Variants in CKAP2 observed in about 807,000 individuals in gnomAD.
CKAP2 encodes the protein cytoskeleton associated protein 2.
In CKAP2, 46 loss-of-function variants were observed where a neutral mutation model predicts 58.4. The observed-to-expected ratio is 0.79, with a 90% CI of 0.62 to 1.01. The LOEUF is 1.01. Among genes scored for constraint, CKAP2 ranks in the 50% least tolerant of loss-of-function variants. CKAP2 has a pLI of 0.00. For synonymous variants in CKAP2, 293 were observed against 280.9 expected (o/e 1.04, Z -0.43); for missense variants, 809 against 796.4 (o/e 1.02, Z -0.19).
intron 2 of CKAP2, among the ~76,000 whole-genome samples, chr13:52,458,582 G>C (rs1457573195): frequency 1.3e-5 from 2 of 152,218 alleles, no homozygotes; most frequent in Non-Finnish European, 2.9e-5. Flanking sequence ...ACAGATGTTG[G>C]CTGGGTGCAG....
intron 5 of CKAP2, among the ~76,000 whole-genome samples, chr13:52,464,909 CAGTTTAAG>C (rs1423817198): frequency 1.3e-5 from 2 of 152,148 alleles, no homozygotes; most frequent in Non-Finnish European, 1.5e-5. Context: ...TATTTCTGCT[CAGTTTAAG>C]TTTTTCCTTT....
chr13:52,459,181 T>C (rs1958532316), intron 2 of CKAP2, among the ~76,000 whole-genome samples: 1 of 152,144 alleles, frequency 6.6e-6, no homozygotes, highest in African/African-American at 2.4e-5. Flanking sequence ...TCCTTCACCA[T>C]TGTTCAAAAT....
intron 7 of CKAP2, among the ~76,000 whole-genome samples, chr13:52,469,642 TGC>T (rs1427661948): frequency 6.7e-6 from 1 of 149,950 alleles, no homozygotes; most frequent in Non-Finnish European, 1.5e-5. Flanking sequence ...CAGGCCAGAC[TGC>T]GGACTGCAGT....
At position 52,468,894 on chromosome 13, in the gene CKAP2, G is replaced by A. The variant is rs149769476; in HGVS notation, c.1546+547G>A. ...TTATATTCCTTTGGGTATATACCCA[G>A]TAATGGGATTACTGGATTGAAAGTA... On this transcript the variant is annotated intron_variant, in intron 7 of 8. Transcript: ENST00000258607. Among the ~76,000 whole-genome samples the A allele has an allele frequency of 3.5e-3, 539 of 152,328 alleles. 2 individuals are homozygous for A. The highest frequency in any genetic ancestry group is 0.012 in the African/African-American group (485 of 41,568).
At chr13:52,472,439 A>T (rs1282776932) in intron 7 of CKAP2, among the ~76,000 whole-genome samples, 1 of 152,214 alleles carries the variant, frequency 6.6e-6, no homozygotes, top group Non-Finnish European at 1.5e-5. Flanking sequence ...TCATGCAACT[A>T]AAACTTCTCT....
At position 52,465,950 on chromosome 13, in the gene CKAP2, TATATGC is replaced by T. The variant is rs1433485560; in HGVS notation, c.1476+487_1476+492del. ...ATATACACACATATATATACACATA[TATATGC>T]ACACATATATACACACATATATGCA... On this transcript the variant is annotated intron_variant, in intron 6 of 8. Coordinates refer to ENST00000258607, the MANE Select transcript of CKAP2 (RefSeq NM_018204.5). 1,346 of 294,322 alleles carry T rather than the reference TATATGC, an allele frequency of 4.6e-3. 8 individuals are homozygous for T. The highest frequency in any genetic ancestry group is 0.014 in the African/African-American group (627 of 45,228). The allele number at this position is 294,322 out of a possible 1,614,324, so 18.2% of individuals were successfully genotyped here.
chr13:52,456,510 C>A lies in CKAP2; in HGVS notation c.71-13C>A. 6.3e-7 allele frequency: 1 copy of A among 1,592,146 alleles called. No homozygotes were observed. The highest frequency in any genetic ancestry group is 8.6e-7 in the Non-Finnish European group (1 of 1,164,800). ...ACTAATATTGACTTGTAGCTCTTAC[C>A]TTTGTTATCTAGAGCAAAGAAGACA... On this transcript the variant is annotated splice_polypyrimidine_tract_variant and intron_variant, in intron 1 of 8. Transcript: ENST00000258607.
At chr13:52,470,956 G>A (rs1958753642) in intron 7 of CKAP2, among the ~76,000 whole-genome samples, 2 of 152,014 alleles carry the variant, frequency 1.3e-5, no homozygotes, top group Admixed American at 6.5e-5. Context: ...TCAAGAGATC[G>A]AGACCATCCT....
chr13:52,459,403 A>G (rs924364922), intron 2 of CKAP2, among the ~76,000 whole-genome samples: 4 of 151,988 alleles, frequency 2.6e-5, no homozygotes, highest in Non-Finnish European at 5.9e-5. Context: ...GCTCACTGCA[A>G]CCTCTGCCTC....
At position 52,474,104 on chromosome 13, in the gene CKAP2, C is replaced by T. The variant is rs1327666184; in HGVS notation, c.1802+20C>T. The T allele has an allele frequency of 2.9e-5, 46 of 1,593,494 alleles. No individual in the cohort carries two copies. Among genetic ancestry groups the T allele is most frequent in the Non-Finnish European group, 3.8e-5 (45 of 1,169,160 alleles). ...GCAAAGGTAAACTTTTAAAATGTAC[C>T]ATGATTTGTTTTCATGCTTGGAGAT... On this transcript the variant is annotated intron_variant, in intron 8 of 8. Transcript: ENST00000258607.
chr13:52,458,034 A>T (rs1958515882), intron 2 of CKAP2, among the ~76,000 whole-genome samples: 1 of 152,238 alleles, frequency 6.6e-6, no homozygotes, highest in Non-Finnish European at 1.5e-5. Flanking sequence ...TAAGTTTGGC[A>T]TTCTAAAATT....
chr13:52,458,823 C>T (rs1958527244), intron 2 of CKAP2, among the ~76,000 whole-genome samples: 1 of 151,216 alleles, frequency 6.6e-6, no homozygotes, highest in African/African-American at 2.4e-5. Flanking sequence ...GGCCATCGCA[C>T]TCCAGCCTGG....
chr13:52,468,265 T>A lies in CKAP2; in HGVS notation c.1477-13T>A, dbSNP rs545173318. The A allele has an allele frequency of 1.3e-6, 2 of 1,537,714 alleles. No homozygotes were observed. The highest frequency in any genetic ancestry group is 2.8e-5 in the African/African-American group (2 of 71,930). ...ACTTACATGGATCTGCTTTCTTCAT[T>A]AAAAAAATTAAGCCTATTGAAGAGA... On this transcript the variant is annotated splice_polypyrimidine_tract_variant and intron_variant, in intron 6 of 8. Transcript: ENST00000258607.
chr13:52,473,396 G>A (rs1336232336), intron 7 of CKAP2: 2 of 156,440 alleles, frequency 1.3e-5, no homozygotes, highest in Non-Finnish European at 2.8e-5. Context: ...TCCTAACCTT[G>A]TTCCTTACCC....
chr13:52,465,739 T>A, intron 6 of CKAP2: 1 of 525,238 alleles, frequency 1.9e-6, no homozygotes, highest in Non-Finnish European at 3.6e-6. Context: ...AGCATATTAT[T>A]GTATGCATTT....
intron 2 of CKAP2, among the ~76,000 whole-genome samples, chr13:52,460,564 C>T (rs71437863): frequency 0.013 from 2,016 of 150,054 alleles, 23 homozygotes; most frequent in Admixed American, 0.02. Flanking sequence ...CCTTCCTCAG[C>T]CTCCCTAGTA....
At chr13:52,455,987 T>G (rs1347979152) in intron 1 of CKAP2, 1 of 1,084,026 alleles carries the variant, frequency 9.2e-7, no homozygotes, top group Non-Finnish European at 1.1e-6. Context: ...CTGCGCTGGG[T>G]CCTCCGCCTC....
intron 5 of CKAP2, among the ~76,000 whole-genome samples, chr13:52,463,716 A>C (rs1385458068): frequency 6.6e-6 from 1 of 152,206 alleles, no homozygotes; most frequent in Non-Finnish European, 1.5e-5. Context: ...TTCTCTAGGG[A>C]TAAGGAGGCA....
chr13:52,459,004 T>C (rs972430759), intron 2 of CKAP2, among the ~76,000 whole-genome samples: 6 of 152,198 alleles, frequency 3.9e-5, no homozygotes, highest in African/African-American at 1.4e-4. Context: ...ATCCTAAGAC[T>C]CATTTCCGAT....
Sources: gnomAD v4.1 joint callset for allele counts (sites outside exome capture counted in the v4.1 genomes callset) on GRCh38, gnomAD v4.1.1 for gene constraint, MANE v1.5 for transcripts, NCBI Gene and HGNC (gene_info 2026-07-23, HGNC 2026-07-21) for gene names.